The following IGSF21 variants were observed in gnomAD, a reference collection of about 807,000 sequenced individuals.
The protein encoded by IGSF21 is immunoglobulin superfamily member 21.
IGSF21 carries 28 observed loss-of-function variants against 46.8 expected under a neutral mutation model. That is an observed-to-expected ratio of 0.60 (90% CI 0.44 to 0.82). IGSF21 has a LOEUF of 0.82. IGSF21 is among the 40% of genes least tolerant of loss of function. The pLI is 0.00. For synonymous variants in IGSF21, 284 were observed against 273.6 expected (o/e 1.04, Z -0.38); for missense variants, 624 against 665.5 (o/e 0.94, Z 0.69).
intron 1 of IGSF21, chr1:18,113,311 G>A (rs535996670): frequency 3.3e-5 from 5 of 152,308 alleles, no homozygotes; most frequent in African/African-American, 1.2e-4. Context: ...AGCTCCAGGA[G>A]TGGAGGGGGC....
At chr1:18,133,272 G>A (rs1248241133) in intron 1 of IGSF21, among the ~76,000 whole-genome samples, 1 of 152,148 alleles carries the variant, frequency 6.6e-6, no homozygotes, top group South Asian at 2.1e-4. Flanking sequence ...CCAGGGCTCC[G>A]GTTCCATCTC....
chr1:18,310,991 A>T (rs1326279919), intron 3 of IGSF21, among the ~76,000 whole-genome samples: 2 of 152,256 alleles, frequency 1.3e-5, no homozygotes, highest in East Asian at 3.9e-4. Flanking sequence ...CTCCAGCCTG[A>T]CTTTATCTTA....
intron 2 of IGSF21, among the ~76,000 whole-genome samples, chr1:18,247,410 C>T (rs937512214): frequency 3.9e-5 from 6 of 152,090 alleles, no homozygotes; most frequent in Non-Finnish European, 8.8e-5. Context: ...GTCTTTGTTG[C>T]CCTGGGTGGT....
chr1:18,315,100 G>C (rs2085527346), intron 3 of IGSF21, among the ~76,000 whole-genome samples: 1 of 152,138 alleles, frequency 6.6e-6, no homozygotes, highest in African/African-American at 2.4e-5. Flanking sequence ...GTGAAGGGAG[G>C]AGAGTGTGGC....
At chr1:18,296,481 C>T (rs189813495) in intron 3 of IGSF21, among the ~76,000 whole-genome samples, 3 of 152,230 alleles carry the variant, frequency 2.0e-5, no homozygotes, top group Admixed American at 1.3e-4. Context: ...GAGCTAAGGG[C>T]AGTAAACTGG....
In IGSF21 at chr1:18,240,560, G is replaced by A. The variant is rs574167135; in HGVS notation, c.183+12550G>A. Among the ~76,000 whole-genome samples the A allele has an allele frequency of 9.8e-5, 15 of 152,350 alleles. No homozygotes were observed. In the South Asian group the frequency reaches 2.9e-3, roughly 29 times the overall value. ...TGTCCTGTTTGTCTTTCTCTCCTGA[G>A]TGTCTAGCATGATGCTGAGCACATA... On this transcript the variant is annotated intron_variant, in intron 2 of 9. Transcript: ENST00000251296.
At chr1:18,196,724 G>A (rs1339151759) in intron 1 of IGSF21, among the ~76,000 whole-genome samples, 1 of 152,166 alleles carries the variant, frequency 6.6e-6, no homozygotes, top group Admixed American at 6.5e-5. Context: ...CTCCAAGCAG[G>A]GAAGTGACTT....
At chr1:18,126,643 T>C (rs1167313654) in intron 1 of IGSF21, among the ~76,000 whole-genome samples, 1 of 152,130 alleles carries the variant, frequency 6.6e-6, no homozygotes, top group Admixed American at 6.5e-5. Flanking sequence ...GGACACCCCT[T>C]CTGAACCTCT....
intron 1 of IGSF21, among the ~76,000 whole-genome samples, chr1:18,126,014 G>T (rs1391805360): frequency 6.6e-6 from 1 of 152,192 alleles, no homozygotes; most frequent in Admixed American, 6.5e-5. Context: ...GAGGACTTCG[G>T]TGAGGTTCTG....
chr1:18,217,189 G>T (rs2084458148), intron 1 of IGSF21, among the ~76,000 whole-genome samples: 1 of 152,108 alleles, frequency 6.6e-6, no homozygotes, highest in African/African-American at 2.4e-5. Flanking sequence ...AGGAGATAAG[G>T]GTCCTTGAAT....
intron 2 of IGSF21, among the ~76,000 whole-genome samples, chr1:18,265,375 T>G (rs1406779698): frequency 6.6e-6 from 1 of 152,190 alleles, no homozygotes; most frequent in African/African-American, 2.4e-5. Flanking sequence ...GGGTTCGGGA[T>G]GGTGGTTGTG....
intron 1 of IGSF21, among the ~76,000 whole-genome samples, chr1:18,160,546 GTTTTCTGGTTTAAGTCATAATTTC>G (rs145323079): frequency 0.1 from 15,671 of 152,128 alleles, 1,056 homozygotes; most frequent in Non-Finnish European, 0.15. Flanking sequence ...GAACTTGTGT[GTTTTCTGGTTTAAGTCATAATTTC>G]TTTTCTGGTA....
chr1:18,250,684 T>G (rs979375730), intron 2 of IGSF21, among the ~76,000 whole-genome samples: 3 of 152,132 alleles, frequency 2.0e-5, no homozygotes, highest in African/African-American at 7.2e-5. Flanking sequence ...GACCTCAGTT[T>G]CCTCTTGTGC....
intron 9 of IGSF21, 120 bp from the exon 10 acceptor site, chr1:18,378,136 T>G: frequency 1.3e-6 from 1 of 766,750 alleles, no homozygotes; most frequent in East Asian, 2.6e-5. Flanking sequence ...GAGCTGGGCT[T>G]CGAACCCAGT....
At chr1:18,108,556 T>C (rs1226818638) in intron 1 of IGSF21, among the ~76,000 whole-genome samples, 1 of 150,568 alleles carries the variant, frequency 6.6e-6, no homozygotes, top group Non-Finnish European at 1.5e-5. Context: ...TGAGCGAGGG[T>C]CTGGATGGGT....
chr1:18,186,866 C>T (rs1335360615), intron 1 of IGSF21, among the ~76,000 whole-genome samples: 4 of 152,114 alleles, frequency 2.6e-5, no homozygotes, highest in African/African-American at 9.7e-5. Flanking sequence ...TCTTCAGGTT[C>T]CCGTTGCCTT....
chr1:18,225,424 CT>C (rs1303525815), intron 1 of IGSF21, among the ~76,000 whole-genome samples: 2 of 152,172 alleles, frequency 1.3e-5, no homozygotes, highest in Non-Finnish European at 2.9e-5. Flanking sequence ...CACACTTACA[CT>C]TGCAATTCCC....
chr1:18,158,855 G>T (rs2086590475), intron 1 of IGSF21, among the ~76,000 whole-genome samples: 2 of 152,222 alleles, frequency 1.3e-5, no homozygotes, highest in African/African-American at 4.8e-5. Flanking sequence ...AGAGAAGGGT[G>T]GGAAGGTCCT....
intron 5 of IGSF21, among the ~76,000 whole-genome samples, chr1:18,363,199 G>A (rs1360282321): frequency 2.0e-5 from 3 of 152,150 alleles, no homozygotes; most frequent in African/African-American, 7.2e-5. Context: ...AATACTTTGG[G>A]TCTTGATCCT....
Sources: allele counts gnomAD v4.1 joint callset (sites outside exome capture counted in the v4.1 genomes callset), GRCh38; gene constraint gnomAD v4.1.1; transcripts MANE v1.5; gene names NCBI Gene and HGNC (gene_info 2026-07-23, HGNC 2026-07-21).